Variants in TRUB1 observed in about 807,000 individuals in gnomAD.
TRUB1 encodes the protein pseudouridylate synthase TRUB1.
TRUB1 carries 23 observed loss-of-function variants against 33.9 expected under a neutral mutation model. That is an observed-to-expected ratio of 0.68 (90% CI 0.49 to 0.96). The LOEUF is 0.96. Ranked by LOEUF, TRUB1 falls within the 40% of genes least tolerant of loss-of-function variation. TRUB1 has a pLI of 0.00. For missense variants in TRUB1, 378 were observed against 422.2 expected (o/e 0.90, Z 0.92); for synonymous variants, 163 against 165.4 (o/e 0.99, Z 0.11).
chr10:114,952,181 G>A (rs2084238739), intron 3 of TRUB1, among the ~76,000 whole-genome samples: 1 of 152,212 alleles, frequency 6.6e-6, no homozygotes, highest in Admixed American at 6.5e-5. Flanking sequence ...TCTCATGCCT[G>A]TAATCCTAAT....
intron 1 of TRUB1, among the ~76,000 whole-genome samples, chr10:114,942,283 T>C (rs114590575): frequency 7.9e-4 from 120 of 152,268 alleles, no homozygotes; most frequent in African/African-American, 2.7e-3. Context: ...TCTTTCTATA[T>C]AAAAATTAAC....
intron 3 of TRUB1, among the ~76,000 whole-genome samples, chr10:114,955,858 T>C (rs1274676683): frequency 2.0e-5 from 3 of 152,214 alleles, no homozygotes; most frequent in Non-Finnish European, 4.4e-5. Context: ...CTTATACTTA[T>C]GAACTATAAA....
chr10:114,944,627 C>T (rs147128985), intron 2 of TRUB1, among the ~76,000 whole-genome samples: 403 of 152,016 alleles, frequency 2.7e-3, no homozygotes, highest in African/African-American at 8.9e-3. Context: ...CCACTGCACT[C>T]CAGCCTGGGT....
At chr10:114,965,795 A>G (rs536218416) in intron 4 of TRUB1, among the ~76,000 whole-genome samples, 2 of 152,284 alleles carry the variant, frequency 1.3e-5, no homozygotes, top group South Asian at 4.1e-4. Context: ...TTTTTCTCCT[A>G]GGAATTTGTC....
intron 6 of TRUB1, among the ~76,000 whole-genome samples, chr10:114,972,641 C>T (rs750018205): frequency 1.3e-5 from 2 of 152,102 alleles, no homozygotes; most frequent in South Asian, 4.1e-4. Flanking sequence ...CCCATTTTGG[C>T]TAGTACCTAA....
intron 2 of TRUB1, among the ~76,000 whole-genome samples, chr10:114,949,551 A>G (rs2084225167): frequency 1.3e-5 from 2 of 152,084 alleles, no homozygotes; most frequent in South Asian, 4.1e-4. Context: ...TTTAATAAGG[A>G]GTTGGTGCTG....
At chr10:114,966,477 A>G (rs2084309427) in intron 4 of TRUB1, among the ~76,000 whole-genome samples, 1 of 152,134 alleles carries the variant, frequency 6.6e-6, no homozygotes, top group African/African-American at 2.4e-5. Flanking sequence ...TTGCATTTCC[A>G]TATGAATTTT....
At chr10:114,963,991 G>A (rs957299454) in intron 4 of TRUB1, among the ~76,000 whole-genome samples, 2 of 151,660 alleles carry the variant, frequency 1.3e-5, no homozygotes, top group Non-Finnish European at 2.9e-5. Flanking sequence ...GTGTGTGTGT[G>A]CGTGTGCACG....
chr10:114,963,966 CGTGTGTGTGTGT>C (rs35359334), intron 4 of TRUB1, among the ~76,000 whole-genome samples: 3 of 148,906 alleles, frequency 2.0e-5, no homozygotes, highest in African/African-American at 7.4e-5. Context: ...GAATATAGGT[CGTGTGTGTGTGT>C]GTGTGTGTGT....
intron 1 of TRUB1, 101 bp downstream of exon 1, chr10:114,938,640 G>A (rs2084171305): frequency 7.7e-7 from 1 of 1,291,350 alleles, no homozygotes; most frequent in Non-Finnish European, 1.0e-6. Context: ...CAAAAGGAGG[G>A]GAAAGGGAGA....
At position 114,975,355 on chromosome 10, in the gene TRUB1, A is replaced by T. The variant is rs1483071040; in HGVS notation, c.1026A>T (p.Glu342Asp). The T allele has an allele frequency of 6.3e-7, 1 of 1,590,392 alleles. No individual in the cohort carries two copies. Among genetic ancestry groups the T allele is most frequent in the African/African-American group, 1.3e-5 (1 of 74,166 alleles). Residue 342 changes from glutamate (E) to aspartate (D), a missense_variant, in exon 8 of 8, where the codon GAA (glutamate) becomes GAT (aspartate). Coordinates refer to ENST00000298746, the MANE Select transcript of TRUB1 (RefSeq NM_139169.5). ...EYITLNEPKR[E>D]DDVIKTC ...TAACTCTAAATGAGCCAAAGAGAGA[A>T]GATGATGTAATTAAGACGTGTTGAG...
At chr10:114,973,465 A>G (rs1472008455) in intron 6 of TRUB1, among the ~76,000 whole-genome samples, 2 of 152,158 alleles carry the variant, frequency 1.3e-5, no homozygotes, top group African/African-American at 2.4e-5. Context: ...GTGGCCCCCA[A>G]CCATGAGCTG....
intron 4 of TRUB1, among the ~76,000 whole-genome samples, chr10:114,968,154 G>A (rs962727726): frequency 2.0e-5 from 3 of 152,160 alleles, no homozygotes; most frequent in Non-Finnish European, 4.4e-5. Flanking sequence ...TAAAAAATGT[G>A]TATGATTAAT....
chr10:114,946,746 G>A (rs934620656), intron 2 of TRUB1, among the ~76,000 whole-genome samples: 1 of 151,598 alleles, frequency 6.6e-6, no homozygotes, highest in Non-Finnish European at 1.5e-5. Context: ...CAATATTAAT[G>A]GTGCAGATTA....
At chr10:114,965,290 TTGC>T (rs1208156064) in intron 4 of TRUB1, among the ~76,000 whole-genome samples, 1 of 152,112 alleles carries the variant, frequency 6.6e-6, no homozygotes, top group Non-Finnish European at 1.5e-5. Flanking sequence ...TATTCCTAAT[TTGC>T]TGAGTTCTGG....
intron 4 of TRUB1, chr10:114,969,431 C>CA (rs60376917): frequency 0.017 from 2,096 of 121,166 alleles, 16 homozygotes; most frequent in Non-Finnish European, 0.023. Context: ...AGACCTGTCT[C>CA]AAAAAAAAAA....
intron 2 of TRUB1, among the ~76,000 whole-genome samples, chr10:114,949,066 CACTT>C: frequency 6.6e-6 from 1 of 152,342 alleles, no homozygotes; most frequent in Middle Eastern, 3.4e-3. Context: ...GTTCATTTGA[CACTT>C]AATCATATAC....
chr10:114,942,647 G>A lies in TRUB1; in HGVS notation c.289G>A (p.Ala97Thr), dbSNP rs2084193373. 1 of 1,610,994 alleles carries A rather than the reference G, an allele frequency of 6.2e-7. No individual in the cohort carries two copies. The change falls in exon 2 of 8, where the codon GCT becomes ACT. Residue 97 changes from alanine to threonine, a missense_variant and splice_region_variant. Transcript: ENST00000298746. ...NRLKEKLLAE[A>T]GMPSPEWTKR... is the part of the protein sequence containing the mutation. ...TTTCATCCCCATTTCTCTCATAGAA[G>A]CTGGAATGCCTTCTCCAGAATGGAC...
chr10:114,977,310 G>T lies in TRUB1; in HGVS notation c.*1931G>T, dbSNP rs1016506840. On this transcript the variant is annotated 3_prime_UTR_variant, in exon 8 of 8. Coordinates refer to ENST00000298746, the MANE Select transcript of TRUB1 (RefSeq NM_139169.5). The stretch of plus-strand genomic sequence containing the variant: ...TACTTTTAAATTGACTTTTTCATTT[G>T]ATATTATCTATATGTATGTAGTTGT... 1 of 151,606 alleles carries T rather than the reference G, an allele frequency of 6.6e-6. No individual in the cohort carries two copies. Among genetic ancestry groups the T allele is most frequent in the African/African-American group, 2.4e-5 (1 of 41,314 alleles). 9.4% of individuals were successfully genotyped at this position (151,606 alleles called of 1,614,324 possible). A position where few individuals can be genotyped will look rare whatever the true frequency, so the allele number is the denominator to read the frequency against.
Sources: gnomAD v4.1 joint callset for allele counts (sites outside exome capture counted in the v4.1 genomes callset) on GRCh38, gnomAD v4.1.1 for gene constraint, MANE v1.5 for transcripts, NCBI Gene and HGNC (gene_info 2026-07-23, HGNC 2026-07-21) for gene names.